FAM81A: variants seen among roughly 807,000 people sequenced by gnomAD.
FAM81A encodes the protein family with sequence similarity 81 member A, also known as protein FAM81A.
In FAM81A, 19 loss-of-function variants were observed where a neutral mutation model predicts 46.7. That is an observed-to-expected ratio of 0.41 (90% CI 0.28 to 0.60). The LOEUF (loss-of-function observed/expected upper bound fraction) is 0.60. FAM81A is among the 20% of genes least tolerant of loss of function. The pLI is 0.34. For missense variants in FAM81A, 377 were observed against 453.5 expected (o/e 0.83, Z 1.53); for synonymous variants, 183 against 152.9 (o/e 1.20, Z -1.45).
chr15:59,442,665 G>A (rs1275246794), intron 1 of FAM81A, among the ~76,000 whole-genome samples: 1 of 147,510 alleles, frequency 6.8e-6, no homozygotes, highest in Non-Finnish European at 1.5e-5. Context: ...AAGAAAAGTC[G>A]CAATAATTAA....
At chr15:59,518,671 C>T (rs1237940506) in intron 8 of FAM81A, among the ~76,000 whole-genome samples, 1 of 151,984 alleles carries the variant, frequency 6.6e-6, no homozygotes, top group African/African-American at 2.4e-5. Context: ...AGGATATTCT[C>T]TTATAAATAA....
intron 6 of FAM81A, among the ~76,000 whole-genome samples, chr15:59,509,428 A>G (rs2082182057): frequency 6.6e-6 from 1 of 152,198 alleles, no homozygotes; most frequent in Non-Finnish European, 1.5e-5. Context: ...AGTTGCGAAT[A>G]TATTACCTTA....
chr15:59,516,593 A>T, intron 7 of FAM81A, 52 bp from the exon 8 acceptor site: 1 of 1,552,996 alleles, frequency 6.4e-7, no homozygotes, highest in Admixed American at 2.1e-5. Context: ...TGTGAATGCA[A>T]TGCAGATTTC....
At chr15:59,509,273 T>C (rs1179234124) in intron 6 of FAM81A, among the ~76,000 whole-genome samples, 1 of 152,230 alleles carries the variant, frequency 6.6e-6, no homozygotes, top group Non-Finnish European at 1.5e-5. Context: ...GAGTTTAGTC[T>C]GGGGAGCTGA....
chr15:59,514,293 A>C lies in FAM81A; in HGVS notation c.655A>C (p.Lys219Gln). 6.3e-7 allele frequency: 1 copy of C among 1,575,420 alleles called. No homozygotes were observed. Among genetic ancestry groups the C allele is most frequent in the Non-Finnish European group, 8.6e-7 (1 of 1,168,058 alleles). ...CTTGCAATTTTTTTTTTTTAGATTT[A>C]AAGGTACAGTTGAGGAACTCAGTAA... The part of the protein sequence containing the change: ...HQLQLLDTKF[K>Q]GTVEELSNQI... Residue 219 changes from lysine (K) to glutamine (Q), a missense_variant, in exon 7 of 9, where the codon AAA becomes CAA. Transcript: ENST00000288228.
chr15:59,516,986 G>C (rs2082274485), intron 8 of FAM81A, 146 bp downstream of exon 8: 1 of 783,004 alleles, frequency 1.3e-6, no homozygotes, highest in Admixed American at 3.6e-5. Flanking sequence ...TAGCTGTGCT[G>C]TATTTTCTAA....
intron 2 of FAM81A, among the ~76,000 whole-genome samples, chr15:59,431,606 C>T (rs1307727715): frequency 2.7e-5 from 4 of 150,186 alleles, no homozygotes; most frequent in South Asian, 2.1e-4. Context: ...GCTAAGTGAT[C>T]CTCTGGCCTC....
At chr15:59,422,039 A>AT (rs1487217440) in intron 2 of FAM81A, among the ~76,000 whole-genome samples, 1 of 151,846 alleles carries the variant, frequency 6.6e-6, no homozygotes, top group South Asian at 2.1e-4. Flanking sequence ...TGTTCATTGT[A>AT]TTTTTTTTAA....
chr15:59,470,312 C>G (rs919521551), intron 3 of FAM81A, among the ~76,000 whole-genome samples: 2 of 152,130 alleles, frequency 1.3e-5, no homozygotes, highest in Admixed American at 1.3e-4. Context: ...CAACTTGGTT[C>G]CATTCTCCCC....
At chr15:59,486,144 A>C (rs2081914498) in intron 3 of FAM81A, among the ~76,000 whole-genome samples, 1 of 152,110 alleles carries the variant, frequency 6.6e-6, no homozygotes, top group Non-Finnish European at 1.5e-5. Context: ...ATGCCACTGC[A>C]CTCCATCCTG....
intron 3 of FAM81A, among the ~76,000 whole-genome samples, chr15:59,484,890 C>T (rs1040390899): frequency 6.6e-6 from 1 of 152,092 alleles, no homozygotes; most frequent in Admixed American, 6.5e-5. Flanking sequence ...AAAGGCGGGC[C>T]CGCTGCTCTG....
In FAM81A at chr15:59,521,606, A is replaced by G. The variant is rs139511921; in HGVS notation, c.*228A>G. ...AGTTTATTTCACTTCTCTAAATTCA[A>G]TGGAAATCCCCCGCCCTGGATTTTG... On this transcript the variant is annotated 3_prime_UTR_variant, in exon 9 of 9. Coordinates refer to ENST00000288228, the MANE Select transcript of FAM81A (RefSeq NM_152450.3). The G allele has an allele frequency of 6.2e-5, 25 of 400,834 alleles. No individual in the cohort carries two copies. The highest frequency in any genetic ancestry group is 2.9e-4 in the South Asian group (3 of 10,202). The allele number at this position is 400,834 out of a possible 1,614,324, so 24.8% of individuals were successfully genotyped here.
At chr15:59,417,783 T>A (rs1030795175) in intron 2 of FAM81A, among the ~76,000 whole-genome samples, 11 of 152,122 alleles carry the variant, frequency 7.2e-5, no homozygotes, top group African/African-American at 2.2e-4. Context: ...TTATTTTTTT[T>A]ATTATACTTT....
intron 4 of FAM81A, 22 bp from the exon 5 acceptor site, chr15:59,507,191 G>A (rs1274874997): frequency 1.2e-6 from 2 of 1,601,842 alleles, no homozygotes; most frequent in East Asian, 2.2e-5. Flanking sequence ...ATAAGAATCA[G>A]CTTTGTTCTT....
intron 3 of FAM81A, among the ~76,000 whole-genome samples, chr15:59,474,793 G>T (rs529896357): frequency 1.4e-4 from 22 of 152,298 alleles, no homozygotes; most frequent in Admixed American, 4.6e-4. Flanking sequence ...AGGTATCAAG[G>T]CCAGTTAGTG....
chr15:59,424,619 C>G (rs1415056313), intron 2 of FAM81A, among the ~76,000 whole-genome samples: 1 of 152,212 alleles, frequency 6.6e-6, no homozygotes, highest in Non-Finnish European at 1.5e-5. Flanking sequence ...CCACAGAGTT[C>G]TCCATTTCAT....
chr15:59,444,095 G>A (rs1432905349), intron 1 of FAM81A: 1 of 152,426 alleles, frequency 6.6e-6, no homozygotes, highest in East Asian at 1.9e-4. Context: ...TTCTTGCACG[G>A]TGGCTTGCTA....
rs74019607 is a variant in FAM81A, at chr15:59,503,320, C to T, written c.414-3893C>T. Among the ~76,000 whole-genome samples the T allele has an allele frequency of 5.5e-3, 831 of 149,984 alleles. 14 individuals carry two copies. Among genetic ancestry groups the T allele is most frequent in the African/African-American group, 0.019 (781 of 40,756 alleles). On this transcript the variant is annotated intron_variant, in intron 4 of 8. Transcript: ENST00000288228. ...GTAACTAATGTTAACAGTCTGTTGT[C>T]TGTCCTTTCAGACTTTTCTCATAAG...
chr15:59,485,026 C>T (rs2081900566), intron 3 of FAM81A, among the ~76,000 whole-genome samples: 1 of 152,168 alleles, frequency 6.6e-6, no homozygotes, highest in East Asian at 1.9e-4. Context: ...AGGGAGACTC[C>T]TCACCCTGGG....
Sources: allele counts gnomAD v4.1 joint callset (sites outside exome capture counted in the v4.1 genomes callset), GRCh38; gene constraint gnomAD v4.1.1; transcripts MANE v1.5; gene names NCBI Gene and HGNC (gene_info 2026-07-23, HGNC 2026-07-21).